BSPH1: variants seen among roughly 807,000 people sequenced by gnomAD.
BSPH1 encodes the protein binder of sperm protein homolog 1, also known as binder of sperm 1.
In BSPH1, 21 loss-of-function variants were observed where a neutral mutation model predicts 22.5. The observed-to-expected ratio is 0.93, with a 90% CI of 0.66 to 1.35. BSPH1 has a LOEUF of 1.35. BSPH1 is among the 40% of genes most tolerant of loss of function. The pLI is 0.00. For missense variants in BSPH1, 141 were observed against 154.2 expected (o/e 0.91, Z 0.45); for synonymous variants, 42 against 53.6 (o/e 0.78, Z 0.95).
intron 5 of BSPH1, among the ~76,000 whole-genome samples, chr19:47,974,586 G>A (rs1254792242): frequency 1.3e-5 from 2 of 151,174 alleles, no homozygotes; most frequent in African/African-American, 2.4e-5. Context: ...TTTTCTACCC[G>A]ACCCTCTCTC....
At chr19:47,984,070 C>T (rs919713336) in intron 1 of BSPH1, among the ~76,000 whole-genome samples, 4 of 151,132 alleles carry the variant, frequency 2.6e-5, no homozygotes, top group East Asian at 1.9e-4. Context: ...TGGTCCCAAA[C>T]TCCTGACCTC....
chr19:47,973,141 T>C (rs199878993), intron 5 of BSPH1, among the ~76,000 whole-genome samples: 16,144 of 150,734 alleles, frequency 0.11, 1,087 homozygotes, highest in East Asian at 0.28. Flanking sequence ...GGTGTGAACC[T>C]GGGAGGCGGA....
intron 1 of BSPH1, among the ~76,000 whole-genome samples, chr19:47,986,964 T>C (rs928821761): frequency 3.3e-5 from 5 of 152,172 alleles, no homozygotes; most frequent in Non-Finnish European, 7.3e-5. Flanking sequence ...CTGTGACTTG[T>C]GGCAGCATCA....
intron 1 of BSPH1, among the ~76,000 whole-genome samples, chr19:47,986,138 G>A (rs2122262273): frequency 6.6e-6 from 1 of 152,344 alleles, no homozygotes; most frequent in African/African-American, 2.4e-5. Context: ...GCTGTAGCCT[G>A]CTACATGGTA....
intron 1 of BSPH1, among the ~76,000 whole-genome samples, chr19:47,983,282 A>G (rs1329721152): frequency 6.6e-6 from 1 of 152,218 alleles, no homozygotes; most frequent in Non-Finnish European, 1.5e-5. Flanking sequence ...ATCCAAGATC[A>G]ATGGACTCAT....
intron 1 of BSPH1, among the ~76,000 whole-genome samples, chr19:47,985,040 C>G (rs1256476990): frequency 1.4e-5 from 2 of 143,808 alleles, no homozygotes; most frequent in East Asian, 4.0e-4. Flanking sequence ...GCACTCCAGT[C>G]TGGGCAATAC....
intron 5 of BSPH1, among the ~76,000 whole-genome samples, chr19:47,975,073 A>C (rs980394689): frequency 1.3e-5 from 2 of 152,186 alleles, no homozygotes; most frequent in African/African-American, 2.4e-5. Context: ...ACCTCGTAAC[A>C]ATGGAAGACC....
At chr19:47,986,382 C>T (rs1163315273) in intron 1 of BSPH1, among the ~76,000 whole-genome samples, 2 of 152,116 alleles carry the variant, frequency 1.3e-5, no homozygotes, top group African/African-American at 4.8e-5. Context: ...CCATGGGAGG[C>T]TCATCCCCCA....
chr19:47,970,941 T>C (rs1020940488), intron 5 of BSPH1, among the ~76,000 whole-genome samples: 1 of 152,148 alleles, frequency 6.6e-6, no homozygotes, highest in African/African-American at 2.4e-5. Context: ...AGCTGACCCA[T>C]GAATGCATGG....
chr19:47,985,629 G>T (rs1262152018), intron 1 of BSPH1, among the ~76,000 whole-genome samples: 1 of 152,152 alleles, frequency 6.6e-6, no homozygotes, highest in Non-Finnish European at 1.5e-5. Flanking sequence ...GAGGTCAGGA[G>T]TTCGAGACCA....
chr19:47,989,113 A>T (rs113646365), intron 1 of BSPH1, among the ~76,000 whole-genome samples: 5,579 of 28,426 alleles, frequency 0.2, 159 homozygotes, highest in Middle Eastern at 0.3. Flanking sequence ...TCACCGTTTT[A>T]TTATTATTAT....
intron 1 of BSPH1, among the ~76,000 whole-genome samples, chr19:47,991,103 T>C (rs969401276): frequency 2.0e-5 from 3 of 152,192 alleles, no homozygotes; most frequent in Non-Finnish European, 4.4e-5. Flanking sequence ...CCATGGCGAC[T>C]GGGATTTGAT....
At chr19:47,989,762 G>A (rs1969505700) in intron 1 of BSPH1, among the ~76,000 whole-genome samples, 1 of 152,106 alleles carries the variant, frequency 6.6e-6, no homozygotes, top group African/African-American at 2.4e-5. Context: ...GTTATTGTCT[G>A]TATTGAATTC....
intron 1 of BSPH1, among the ~76,000 whole-genome samples, chr19:47,988,245 T>C (rs1969489194): frequency 6.6e-6 from 1 of 152,196 alleles, no homozygotes; most frequent in South Asian, 2.1e-4. Context: ...TCTTTAATAC[T>C]GTAATAGTAC....
intron 1 of BSPH1, among the ~76,000 whole-genome samples, chr19:47,982,372 T>TTGAAA (rs1215924916): frequency 6.6e-6 from 1 of 152,264 alleles, no homozygotes; most frequent in African/African-American, 2.4e-5. Context: ...TTGTGTATAT[T>TTGAAA]TCATTTATTA....
At chr19:47,969,271 G>T (rs914400398) in intron 5 of BSPH1, among the ~76,000 whole-genome samples, 2 of 152,130 alleles carry the variant, frequency 1.3e-5, no homozygotes, top group African/African-American at 4.8e-5. Flanking sequence ...CAAATGGGTG[G>T]ATGGTCATGA....
chr19:47,981,050 A>G (rs2122252625), intron 1 of BSPH1, 109 bp from the exon 2 acceptor site: 1 of 583,264 alleles, frequency 1.7e-6, no homozygotes, highest in African/African-American at 2.0e-5. Flanking sequence ...TGAAAGTTAG[A>G]CATCAAAGTT....
intron 5 of BSPH1, among the ~76,000 whole-genome samples, chr19:47,975,108 T>C (rs1190312385): frequency 6.6e-6 from 1 of 152,194 alleles, no homozygotes. Context: ...GTGACTCCAC[T>C]CCCTCCTCCT....
chr19:47,986,736 C>A (rs1392120325), intron 1 of BSPH1, among the ~76,000 whole-genome samples: 1 of 147,820 alleles, frequency 6.8e-6, no homozygotes, highest in Non-Finnish European at 1.5e-5. Flanking sequence ...CAGAATGAGA[C>A]CCTATCTAAA....
Sources: gnomAD v4.1 joint callset for allele counts (sites outside exome capture counted in the v4.1 genomes callset) on GRCh38, gnomAD v4.1.1 for gene constraint, MANE v1.5 for transcripts, NCBI Gene and HGNC (gene_info 2026-07-23, HGNC 2026-07-21) for gene names.